GALNT9: variants seen among roughly 807,000 people sequenced by gnomAD.
GALNT9 encodes polypeptide N-acetylgalactosaminyltransferase 9.
In GALNT9, 47 loss-of-function variants were observed where a neutral mutation model predicts 63.1. That is an observed-to-expected ratio of 0.75 (90% confidence interval 0.59 to 0.95). GALNT9 has a LOEUF of 0.95. Among genes scored for constraint, GALNT9 ranks in the 40% least tolerant of loss-of-function variants. The pLI is 0.00. For missense variants in GALNT9, 829 were observed against 874.8 expected, an observed-to-expected ratio of 0.95 and a Z score of 0.66; for synonymous variants, 396 against 365.7, an observed-to-expected ratio of 1.08 and a Z score of -0.94.
chr12:132,243,254 CT>C (rs1878521724), intron 6 of GALNT9, among the ~76,000 whole-genome samples: 1 of 141,338 alleles, frequency 7.1e-6, no homozygotes, highest in African/African-American at 2.8e-5. Flanking sequence ...TCCCGGGGCC[CT>C]CCCTATACCC....
intron 2 of GALNT9, among the ~76,000 whole-genome samples, chr12:132,264,873 GT>G (rs1555240068): frequency 6.6e-6 from 1 of 152,176 alleles, no homozygotes; most frequent in Non-Finnish European, 1.5e-5. Flanking sequence ...CAGCGCCAGG[GT>G]CCGATCCAGG....
At chr12:132,216,565 G>A (rs1304892917) in intron 6 of GALNT9, among the ~76,000 whole-genome samples, 1 of 152,234 alleles carries the variant, frequency 6.6e-6, no homozygotes, top group East Asian at 1.9e-4. Context: ...TCCACAGGCA[G>A]GCGGCACTGA....
At position 132,197,971 on chromosome 12, in the gene GALNT9, A is replaced by C. The variant is rs751166061; in HGVS notation, c.1498-12T>G. On this transcript the variant is annotated splice_polypyrimidine_tract_variant and intron_variant, in intron 9 of 10. Coordinates refer to ENST00000328957, the MANE Select transcript of GALNT9 (RefSeq NM_001122636.2). The stretch of plus-strand genomic sequence containing the variant: ...CTGTACCGCACCAGCTGGGGACAGG[A>C]CCACCGGGACTGTGTGTGAGCAGCG... 2 of 1,596,652 alleles carry C rather than the reference A, an allele frequency of 1.3e-6. No individual in the cohort carries two copies. Among genetic ancestry groups the C allele is most frequent in the Non-Finnish European group, 1.7e-6 (2 of 1,168,078 alleles).
intron 9 of GALNT9, among the ~76,000 whole-genome samples, chr12:132,198,508 A>T (rs1875729645): frequency 1.3e-5 from 2 of 150,892 alleles, no homozygotes; most frequent in Admixed American, 1.3e-4. Flanking sequence ...GGTCAACAGC[A>T]CTATTGCCGT....
At chr12:132,274,822 CAAG>C (rs1880015644) in intron 2 of GALNT9, 1 of 152,600 alleles carries the variant, frequency 6.6e-6, no homozygotes, top group African/African-American at 2.4e-5. Context: ...ATGCCACACA[CAAG>C]AACATACCCC....
rs188189886 is a variant in GALNT9 at position 132,248,990 on chromosome 12, T to C, written c.960-963A>G. ...AGCGGGAGGATAAGCTGGTGTGCCA[T>C]TGTGGGCCACGCGACGTGCGAGCTC... On this transcript the variant is annotated intron_variant, in intron 5 of 10. Transcript: ENST00000328957. Among the ~76,000 whole-genome samples the C allele has an allele frequency of 3.3e-5, 5 of 152,256 alleles. No homozygotes were observed. The East Asian group carries it at 5.8e-4, about 18-fold the overall frequency.
chr12:132,202,137 T>C (rs969654935), intron 7 of GALNT9, among the ~76,000 whole-genome samples: 4 of 152,324 alleles, frequency 2.6e-5, no homozygotes, highest in Middle Eastern at 6.8e-3. Context: ...CAGAAACTCA[T>C]TGTTGCTCTG....
intron 6 of GALNT9, among the ~76,000 whole-genome samples, chr12:132,235,592 C>A (rs1030843573): frequency 6.6e-6 from 1 of 152,142 alleles, no homozygotes; most frequent in African/African-American, 2.4e-5. Flanking sequence ...AGGGGGAGAC[C>A]CTGCCCTTCC....
At chr12:132,201,050 C>G (rs796291371) in intron 8 of GALNT9, 74 bp downstream of exon 8, 1 of 1,397,716 alleles carries the variant, frequency 7.2e-7, no homozygotes, top group Admixed American at 1.8e-5. Flanking sequence ...CTGCATCACC[C>G]TGAATGCATA....
intron 2 of GALNT9, among the ~76,000 whole-genome samples, chr12:132,271,836 G>A (rs1377084669): frequency 2.0e-5 from 3 of 152,022 alleles, no homozygotes; most frequent in Non-Finnish European, 4.4e-5. Context: ...GGCCGTGGCT[G>A]CCAGGAGGGC....
At chr12:132,256,304 A>G (rs1879106674) in intron 5 of GALNT9, among the ~76,000 whole-genome samples, 1 of 151,528 alleles carries the variant, frequency 6.6e-6, no homozygotes, top group African/African-American at 2.4e-5. Context: ...ACTCTCTTCC[A>G]TGTGTGGCTC....
chr12:132,262,435 C>T (rs781914008), intron 3 of GALNT9, 24 bp downstream of exon 3: 19 of 1,540,418 alleles, frequency 1.2e-5, no homozygotes, highest in African/African-American at 6.8e-5. Flanking sequence ...CGGCGAGCAC[C>T]GTGCCGAGGC....
chr12:132,221,052 A>C (rs1262788627), intron 6 of GALNT9, among the ~76,000 whole-genome samples: 12 of 5,936 alleles, frequency 2.0e-3, no homozygotes, highest in Non-Finnish European at 1.3e-3. Flanking sequence ...AGATTGTGTC[A>C]AAAAAAAAAA....
intron 6 of GALNT9, among the ~76,000 whole-genome samples, chr12:132,214,787 G>A (rs188491464): frequency 3.3e-5 from 5 of 152,192 alleles, no homozygotes; most frequent in Non-Finnish European, 5.9e-5. Context: ...TGCTGGCTGC[G>A]CTGTCCTGAA....
intron 6 of GALNT9, among the ~76,000 whole-genome samples, chr12:132,228,034 G>A (rs1004896951): frequency 1.3e-5 from 2 of 152,146 alleles, no homozygotes; most frequent in Non-Finnish European, 2.9e-5. Flanking sequence ...CCTGCTCTGT[G>A]GTCTGCTGGG....
chr12:132,286,532 CG>C lies in GALNT9; in HGVS notation c.239-103del. The C allele has an allele frequency of 1.9e-5, 28 of 1,437,854 alleles. No homozygotes were observed. The South Asian group carries it at 3.5e-4, about 18-fold the overall frequency. The allele number at this position is 1,437,854 out of a possible 1,614,324, so 89.1% of individuals were successfully genotyped here. ...CCCTCTCCCCGACGGCCGCTTCCCC[CG>C]GTACAAGCCCAGCAAACTCCCTGCA... is the stretch of plus-strand genomic sequence containing the variant. On this transcript the variant is annotated intron_variant, in intron 1 of 10. Transcript: ENST00000328957. This position sits in a 1 kb window ranked among gnomAD's most constrained non-coding sequence, Gnocchi z 7.4.
At chr12:132,217,569 CCATCCAGCCATCCCCCACT>C (rs1203888232) in intron 6 of GALNT9, among the ~76,000 whole-genome samples, 5 of 146,430 alleles carry the variant, frequency 3.4e-5, no homozygotes, top group African/African-American at 1.3e-4. Context: ...ATCCATCTAT[CCATCCAGCCATCCCCCACT>C]CATCCATCCA....
chr12:132,299,746 C>G (rs190027358), intron 1 of GALNT9, among the ~76,000 whole-genome samples: 11,598 of 137,810 alleles, frequency 0.084, 292 homozygotes, highest in Middle Eastern at 0.13. Flanking sequence ...TAACCCACTC[C>G]CACCACACCT....
intron 1 of GALNT9, among the ~76,000 whole-genome samples, chr12:132,303,077 GTCTC>G (rs58703305): frequency 1.3e-5 from 2 of 150,756 alleles, no homozygotes; most frequent in African/African-American, 4.9e-5. Context: ...CCCTCTGTCT[GTCTC>G]TCTCTCGGGA....
Sources: allele counts gnomAD v4.1 joint callset (sites outside exome capture counted in the v4.1 genomes callset), GRCh38; gene constraint gnomAD v4.1.1; non-coding constraint Gnocchi (gnomAD v3.1); transcripts MANE v1.5; gene names NCBI Gene and HGNC (gene_info 2026-07-23, HGNC 2026-07-21).